Variants in SLC35A1 observed in about 807,000 individuals in gnomAD.
SLC35A1 encodes solute carrier family 35 member A1, also known as CMP-sialic acid transporter.
In SLC35A1, 21 loss-of-function variants were observed where a neutral mutation model predicts 40.3. The observed-to-expected ratio is 0.52, with a 90% confidence interval of 0.37 to 0.75. The LOEUF is 0.75. SLC35A1 is among the 30% of genes least tolerant of loss of function. The probability of loss-of-function intolerance (pLI) is 0.00; values close to 1 mark genes in which losing one functional copy is unlikely to be tolerated. For missense variants in SLC35A1, 297 were observed against 382.1 expected (o/e 0.78, Z 1.86); for synonymous variants, 146 against 147.3 (o/e 0.99, Z 0.06).
intron 2 of SLC35A1, among the ~76,000 whole-genome samples, chr6:87,478,418 GA>G (rs1769138050): frequency 6.6e-6 from 1 of 152,182 alleles, no homozygotes; most frequent in African/African-American, 2.4e-5. Context: ...ATGAGATGGG[GA>G]CCTATAGGAG....
chr6:87,477,843 G>T (rs1396426666), intron 2 of SLC35A1, among the ~76,000 whole-genome samples: 2 of 152,212 alleles, frequency 1.3e-5, no homozygotes, highest in Non-Finnish European at 2.9e-5. Flanking sequence ...CTGTAGAATA[G>T]AAGTTGGCAA....
rs1375448749 is a variant in SLC35A1, at chr6:87,508,476, A to G, written c.631A>G (p.Ile211Val). 6.2e-7 allele frequency: 1 copy of G among 1,612,596 alleles called. No individual in the cohort carries two copies. Among genetic ancestry groups the G allele is most frequent in the East Asian group, 2.2e-5 (1 of 44,776 alleles). The change falls in exon 6 of 8, where the codon ATT becomes GTT. Residue 211 changes from isoleucine (I) to valine (V), a missense_variant. Coordinates refer to ENST00000369552, the MANE Select transcript of SLC35A1 (RefSeq NM_006416.5). ...AGATACTTCTCTTTGGGTGAGAAACATTCAAATGTATCTATCAGGGATTAT... is the reference window on the plus strand; with the variant it reads ...AGATACTTCTCTTTGGGTGAGAAACGTTCAAATGTATCTATCAGGGATTAT... ...SSDTSLWVRNIQMYLSGIIVT... is the reference protein window; with the variant it reads ...SSDTSLWVRNVQMYLSGIIVT...
intron 4 of SLC35A1, among the ~76,000 whole-genome samples, chr6:87,502,608 A>T (rs539086983): frequency 6.6e-6 from 1 of 152,338 alleles, no homozygotes; most frequent in Non-Finnish European, 1.5e-5. Context: ...CTAAACATAG[A>T]AAAGGCACAA....
Position 87,506,418 on chromosome 6 carries a change from G to C in SLC35A1, c.544G>C (p.Ala182Pro). Residue 182 changes from alanine to proline, a missense_variant, in exon 5 of 8, where the codon GCT becomes CCT. Transcript: ENST00000369552. ...QNPLLGFGAI[A>P]IAVLCSGFAG... Reference sequence around the variant, plus strand: ...TCCATTATTAGGGTTTGGCGCTATAGCTATTGCTGTATTGTGCTCAGGATT... The same window carrying C: ...TCCATTATTAGGGTTTGGCGCTATACCTATTGCTGTATTGTGCTCAGGATT... The C allele has an allele frequency of 6.2e-7, 1 of 1,613,704 alleles. No homozygotes were observed. Among genetic ancestry groups the C allele is most frequent in the Non-Finnish European group, 8.5e-7 (1 of 1,179,734 alleles).
chr6:87,486,709 A>G (rs1769402400), intron 2 of SLC35A1, among the ~76,000 whole-genome samples: 1 of 152,164 alleles, frequency 6.6e-6, no homozygotes, highest in African/African-American at 2.4e-5. Context: ...AATTGAGTAG[A>G]CTTTAGGCAA....
chr6:87,498,817 C>T (rs1185523285), intron 2 of SLC35A1, among the ~76,000 whole-genome samples: 1 of 151,918 alleles, frequency 6.6e-6, no homozygotes, highest in African/African-American at 2.4e-5. Context: ...GTATATGGGG[C>T]ATCTTAGATT....
intron 2 of SLC35A1, among the ~76,000 whole-genome samples, chr6:87,495,074 A>G (rs922819334): frequency 1.3e-5 from 2 of 152,134 alleles, no homozygotes; most frequent in African/African-American, 4.8e-5. Context: ...GGCTCAAGCA[A>G]TCCTTCTGCC....
At chr6:87,495,283 T>C (rs1769689399) in intron 2 of SLC35A1, among the ~76,000 whole-genome samples, 2 of 152,242 alleles carry the variant, frequency 1.3e-5, no homozygotes, top group Admixed American at 1.3e-4. Context: ...TTGTTTGCTA[T>C]TCACCATAGT....
At chr6:87,473,528 A>G (rs1437926375) in intron 1 of SLC35A1, among the ~76,000 whole-genome samples, 3 of 152,228 alleles carry the variant, frequency 2.0e-5, no homozygotes, top group African/African-American at 4.8e-5. Context: ...TGGGGCGTCA[A>G]AACAGCACTG....
Position 87,511,960 on chromosome 6 carries a change from T to C in SLC35A1, c.*434T>C, listed in dbSNP as rs958881213. On this transcript the variant is annotated 3_prime_UTR_variant, in exon 8 of 8. Coordinates refer to ENST00000369552, the MANE Select transcript of SLC35A1 (RefSeq NM_006416.5). ...TGACCCCTCCTTATTCTCCAATTCA[T>C]GTACAGTATTTTGTCCTAGCAGCAT... 27 of 229,212 alleles carry C rather than the reference T, an allele frequency of 1.2e-4. No homozygotes were observed. In the South Asian group the frequency reaches 1.6e-3, roughly 14 times the overall value. 14.2% of individuals were successfully genotyped at this position (229,212 alleles called of 1,614,324 possible).
intron 2 of SLC35A1, among the ~76,000 whole-genome samples, chr6:87,479,305 G>A (rs986048308): frequency 2.6e-5 from 4 of 152,214 alleles, no homozygotes; most frequent in East Asian, 1.9e-4. Context: ...GTGGAGGATA[G>A]TTAAGGGAGG....
chr6:87,483,494 C>CT (rs34618958), intron 2 of SLC35A1, among the ~76,000 whole-genome samples: 90,529 of 151,972 alleles, frequency 0.6, 27,684 homozygotes, highest in African/African-American at 0.72. Context: ...TTTTTCACCT[C>CT]TTTTGAGGTT....
intron 2 of SLC35A1, chr6:87,499,193 T>C (rs963317563): frequency 3.6e-6 from 3 of 826,850 alleles, no homozygotes; most frequent in Non-Finnish European, 2.9e-6. Flanking sequence ...TAATGGACTT[T>C]TGCTTTCTCT....
At chr6:87,474,840 T>C (rs1221542789) in intron 1 of SLC35A1, among the ~76,000 whole-genome samples, 1 of 152,220 alleles carries the variant, frequency 6.6e-6, no homozygotes, top group East Asian at 1.9e-4. Context: ...GAATATAATA[T>C]ATATTCCCAT....
chr6:87,479,381 A>G (rs1769181965), intron 2 of SLC35A1, among the ~76,000 whole-genome samples: 1 of 152,206 alleles, frequency 6.6e-6, no homozygotes, highest in Admixed American at 6.5e-5. Context: ...GGTATGACAC[A>G]GCACCCGACA....
chr6:87,490,654 G>A (rs1769523285), intron 2 of SLC35A1, among the ~76,000 whole-genome samples: 2 of 152,156 alleles, frequency 1.3e-5, no homozygotes, highest in Admixed American at 1.3e-4. Flanking sequence ...TAAAAGAACA[G>A]AAGGCAACGG....
In SLC35A1 at chr6:87,501,196, C is replaced by T. The variant is rs1769914015; in HGVS notation, c.393C>T (p.Cys131=). The change falls in exon 4 of 8, where the codon TGC becomes TGT. Residue 131 remains cysteine (C), a synonymous_variant. Transcript: ENST00000369552. Reference sequence around the variant, plus strand: ...TGAAGATTCCGTGTACTGCTTTATGCACTGTTTTAATGTTAAACCGGACAC... The same window carrying T: ...TGAAGATTCCGTGTACTGCTTTATGTACTGTTTTAATGTTAAACCGGACAC... ...YQLKIPCTAL[C]TVLMLNRTLS... 1 of 1,613,684 alleles carries T rather than the reference C, an allele frequency of 6.2e-7. No homozygotes were observed. The highest frequency in any genetic ancestry group is 1.1e-5 in the South Asian group (1 of 91,072).
At chr6:87,497,899 T>G (rs938247094) in intron 2 of SLC35A1, among the ~76,000 whole-genome samples, 5 of 151,686 alleles carry the variant, frequency 3.3e-5, no homozygotes, top group Admixed American at 1.3e-4. Context: ...TGGCAGTTTT[T>G]TTTTTTTTTT....
intron 2 of SLC35A1, chr6:87,496,010 T>G (rs1332444291): frequency 1.3e-5 from 2 of 152,166 alleles, no homozygotes; most frequent in African/African-American, 2.4e-5. Context: ...TGATAAGAAA[T>G]TTATAAACAA....
Sources: gnomAD v4.1 joint callset for allele counts (sites outside exome capture counted in the v4.1 genomes callset) on GRCh38, gnomAD v4.1.1 for gene constraint, MANE v1.5 for transcripts, NCBI Gene and HGNC (gene_info 2026-07-23, HGNC 2026-07-21) for gene names.